The following NR2C2 variants were observed in gnomAD, a reference collection of about 807,000 sequenced individuals.
NR2C2 encodes the protein Nuclear hormone receptor TR4.
A neutral mutation model predicts 62.9 loss-of-function variants in NR2C2; 6 were observed. The observed-to-expected ratio is 0.10, with a 90% confidence interval of 0.05 to 0.19. The LOEUF is 0.19. NR2C2 is among the 10% of genes least tolerant of loss of function. NR2C2 has a pLI of 1.00. For missense variants in NR2C2, 479 were observed against 762.7 expected, an observed-to-expected ratio of 0.63 and a Z score of 4.38; for synonymous variants, 272 against 273.8, an observed-to-expected ratio of 0.99 and a Z score of 0.07.
intron 1 of NR2C2, among the ~76,000 whole-genome samples, chr3:14,992,809 G>A (rs547310420): frequency 4.6e-5 from 7 of 152,342 alleles, no homozygotes; most frequent in African/African-American, 1.7e-4. Flanking sequence ...TGGAAGGCCT[G>A]TGTCTAAAGA....
intron 10 of NR2C2, among the ~76,000 whole-genome samples, chr3:15,033,361 T>C (rs2042026890): frequency 6.6e-6 from 1 of 152,192 alleles, no homozygotes; most frequent in Admixed American, 6.5e-5. Flanking sequence ...CGCGTGGGTT[T>C]CAGATCTATA....
At chr3:14,999,326 C>CA (rs1445460210) in intron 1 of NR2C2, among the ~76,000 whole-genome samples, 1 of 151,856 alleles carries the variant, frequency 6.6e-6, no homozygotes, top group Non-Finnish European at 1.5e-5. Flanking sequence ...CAAAAACAAA[C>CA]AAAAAAAATT....
chr3:14,980,238 A>G (rs1297749446), intron 1 of NR2C2, among the ~76,000 whole-genome samples: 2 of 151,612 alleles, frequency 1.3e-5, no homozygotes, highest in African/African-American at 2.4e-5. Context: ...GTAACCTTGA[A>G]CTGCTGGGCT....
chr3:14,988,729 C>A (rs926775470), intron 1 of NR2C2, among the ~76,000 whole-genome samples: 1 of 151,604 alleles, frequency 6.6e-6, no homozygotes, highest in Non-Finnish European at 1.5e-5. Flanking sequence ...CTTTTTTTTC[C>A]CCTCTTGATT....
intron 5 of NR2C2, among the ~76,000 whole-genome samples, 155 bp downstream of exon 5, chr3:15,021,087 G>A (rs1486205191): frequency 6.6e-6 from 1 of 152,216 alleles, no homozygotes; most frequent in Non-Finnish European, 1.5e-5. Flanking sequence ...TCAGCCAGGT[G>A]ATTGAGAGCC....
intron 1 of NR2C2, among the ~76,000 whole-genome samples, chr3:14,983,681 C>T (rs574510841): frequency 2.3e-4 from 35 of 152,218 alleles, no homozygotes; most frequent in Non-Finnish European, 4.1e-4. Flanking sequence ...GCTTATAGAA[C>T]ACACCAGTAA....
rs111460460 is a variant in NR2C2, at chr3:14,949,833, C to T, written c.-40+1927C>T. Among the ~76,000 whole-genome samples the T allele has an allele frequency of 4.8e-3, 731 of 152,278 alleles. 2 individuals are homozygous for T. The highest frequency in any genetic ancestry group is 0.017 in the African/African-American group (698 of 41,538). On this transcript the variant is annotated intron_variant, in intron 1 of 13. Coordinates refer to ENST00000425241, the MANE Select transcript of NR2C2 (RefSeq NM_001291694.2). ...CCAGGCTGGAGTTGAATATAATTCT[C>T]TGTGTGTGAGTTCTCTCTTTCTCTC...
At chr3:15,006,216 A>G (rs367961234) in intron 2 of NR2C2, among the ~76,000 whole-genome samples, 2 of 152,302 alleles carry the variant, frequency 1.3e-5, no homozygotes, top group East Asian at 3.9e-4. Flanking sequence ...AAAAAATAAA[A>G]TAGTAATTCA....
At chr3:14,994,238 A>T (rs894924823) in intron 1 of NR2C2, among the ~76,000 whole-genome samples, 3 of 152,126 alleles carry the variant, frequency 2.0e-5, no homozygotes, top group African/African-American at 7.2e-5. Context: ...TTTAAAATTC[A>T]TCAGCTTATG....
chr3:15,009,166 G>A (rs1055082176), intron 2 of NR2C2, among the ~76,000 whole-genome samples: 15 of 152,208 alleles, frequency 9.9e-5, no homozygotes, highest in African/African-American at 3.6e-4. Flanking sequence ...AGGTTGCAGT[G>A]AGCCAAGATC....
At chr3:14,991,841 G>A (rs563018906) in intron 1 of NR2C2, among the ~76,000 whole-genome samples, 2 of 135,948 alleles carry the variant, frequency 1.5e-5, no homozygotes, top group Admixed American at 1.7e-4. Flanking sequence ...ATAGCTTACT[G>A]TCACTGTAGC....
intron 1 of NR2C2, among the ~76,000 whole-genome samples, chr3:15,001,016 G>C (rs1204931693): frequency 2.6e-5 from 4 of 151,716 alleles, no homozygotes; most frequent in Non-Finnish European, 5.9e-5. Context: ...GGGTTTCACT[G>C]TGTTAGCCAG....
intron 7 of NR2C2, 96 bp from the exon 8 acceptor site, chr3:15,028,490 C>A: frequency 8.3e-7 from 1 of 1,210,814 alleles, no homozygotes; most frequent in South Asian, 1.5e-5. Context: ...TCCCTCTCCT[C>A]GAAGCTGTTT....
At chr3:14,969,244 CT>C (rs35048015) in intron 1 of NR2C2, among the ~76,000 whole-genome samples, 15,828 of 125,552 alleles carry the variant, frequency 0.13, 397 homozygotes, top group Middle Eastern at 0.15. Context: ...AATAAAGATT[CT>C]TTTTTTTTTT....
chr3:14,975,032 T>A (rs2040163339), intron 1 of NR2C2, among the ~76,000 whole-genome samples: 1 of 152,254 alleles, frequency 6.6e-6, no homozygotes, highest in Admixed American at 6.5e-5. Flanking sequence ...TAATTTCCCT[T>A]ATGGGATGTG....
At chr3:15,037,240 T>TG (rs56827203) in intron 11 of NR2C2, among the ~76,000 whole-genome samples, 23 of 151,366 alleles carry the variant, frequency 1.5e-4, no homozygotes, top group East Asian at 3.9e-4. Flanking sequence ...TGTGTGTGTG[T>TG]TTTTGTTTTT....
chr3:15,032,265 G>A, intron 9 of NR2C2, 114 bp from the exon 10 acceptor site: 5 of 1,448,082 alleles, frequency 3.5e-6, no homozygotes, highest in Non-Finnish European at 4.8e-6. Context: ...TTCAGAATCA[G>A]ACAGCAACTC....
intron 1 of NR2C2, among the ~76,000 whole-genome samples, chr3:14,976,404 C>G (rs756936419): frequency 1.3e-5 from 2 of 152,070 alleles, no homozygotes; most frequent in Non-Finnish European, 2.9e-5. Context: ...TTGTAAAACT[C>G]TCCAGATACT....
chr3:15,032,250 G>A, intron 9 of NR2C2, 129 bp from the exon 10 acceptor site: 3 of 1,294,458 alleles, frequency 2.3e-6, no homozygotes, highest in Non-Finnish European at 3.3e-6. Context: ...CCGACTGCAT[G>A]GGACTTCAGA....
Sources: gnomAD v4.1 joint callset for allele counts (sites outside exome capture counted in the v4.1 genomes callset) on GRCh38, gnomAD v4.1.1 for gene constraint, MANE v1.5 for transcripts, NCBI Gene and HGNC (gene_info 2026-07-23, HGNC 2026-07-21) for gene names.